Variants in PRKCB observed in about 807,000 individuals in gnomAD.
PRKCB encodes the protein protein kinase C beta, also known as protein kinase C beta type.
A neutral mutation model predicts 81.5 loss-of-function variants in PRKCB; 13 were observed. The ratio of observed to expected loss-of-function variants is 0.16; its 90% confidence interval spans 0.10 to 0.25. The LOEUF is 0.25. Ranked by LOEUF, PRKCB falls within the 10% of genes least tolerant of loss-of-function variation. The pLI, the probability that PRKCB is intolerant of heterozygous loss-of-function variation, is 1.00. For synonymous variants in PRKCB, 335 were observed against 321.4 expected (o/e 1.04, Z -0.45); for missense variants, 509 against 875.7 (o/e 0.58, Z 5.29).
At chr16:23,889,809 T>G (rs916831217) in intron 2 of PRKCB, among the ~76,000 whole-genome samples, 1 of 152,238 alleles carries the variant, frequency 6.6e-6, no homozygotes, top group Non-Finnish European at 1.5e-5. Context: ...GGGTTATTAC[T>G]GCAGGATAAC....
At chr16:24,076,680 C>T (rs2141889017) in intron 5 of PRKCB, among the ~76,000 whole-genome samples, 1 of 152,306 alleles carries the variant, frequency 6.6e-6, no homozygotes, top group East Asian at 1.9e-4. Context: ...TACCTTGCTA[C>T]AAGTGTGCCT....
chr16:24,173,559 C>G (rs1274790330), intron 11 of PRKCB, among the ~76,000 whole-genome samples: 1 of 152,220 alleles, frequency 6.6e-6, no homozygotes, highest in Non-Finnish European at 1.5e-5. Flanking sequence ...TGGCATGACT[C>G]TAATAGGACT....
At chr16:23,981,771 C>T (rs1596496768) in intron 2 of PRKCB, among the ~76,000 whole-genome samples, 1 of 53,046 alleles carries the variant, frequency 1.9e-5, no homozygotes, top group Non-Finnish European at 3.6e-5. Context: ...CTTCCCCTTC[C>T]CTTCCCCTTC....
At chr16:23,885,131 G>T (rs534639190) in intron 2 of PRKCB, among the ~76,000 whole-genome samples, 1 of 152,154 alleles carries the variant, frequency 6.6e-6, no homozygotes, top group Non-Finnish European at 1.5e-5. Context: ...ATTAGAGCCT[G>T]CTATATGCCA....
chr16:24,096,652 C>CCAAAAAAAAAAAAA (rs1966442961), intron 7 of PRKCB, among the ~76,000 whole-genome samples: 1 of 41,826 alleles, frequency 2.4e-5, no homozygotes, highest in East Asian at 8.1e-4. Context: ...CTTCCTATGG[C>CCAAAAAAAAAAAAA]AAAAAAAAAA....
intron 8 of PRKCB, among the ~76,000 whole-genome samples, chr16:24,121,941 A>G (rs1966803005): frequency 6.6e-6 from 1 of 152,204 alleles, no homozygotes; most frequent in Non-Finnish European, 1.5e-5. Context: ...TCTCTGTGCC[A>G]TACTCCTCTA....
chr16:23,866,797 T>C (rs539258662), intron 2 of PRKCB, among the ~76,000 whole-genome samples: 1 of 152,322 alleles, frequency 6.6e-6, no homozygotes, highest in East Asian at 1.9e-4. Flanking sequence ...CCACCAGCAG[T>C]GTGTGTTTCC....
At chr16:23,908,621 TC>T (rs1245765544) in intron 2 of PRKCB, among the ~76,000 whole-genome samples, 2 of 151,984 alleles carry the variant, frequency 1.3e-5, no homozygotes, top group Non-Finnish European at 2.9e-5. Context: ...AAGCTCCGCC[TC>T]CCGGGTTCAT....
intron 3 of PRKCB, among the ~76,000 whole-genome samples, chr16:23,989,568 A>T (rs1188868194): frequency 4.6e-5 from 7 of 152,224 alleles, no homozygotes; most frequent in Admixed American, 2.6e-4. Flanking sequence ...AAATGTATCT[A>T]GTAGTGGTTT....
At chr16:24,173,418 T>C (rs1967476039) in intron 11 of PRKCB, among the ~76,000 whole-genome samples, 2 of 152,168 alleles carry the variant, frequency 1.3e-5, no homozygotes, top group Admixed American at 1.3e-4. Flanking sequence ...CACCTTGTCA[T>C]ACTAGAGGCT....
rs906547260 is a variant in PRKCB, at chr16:24,219,876, G to A, written c.*5060G>A. On this transcript the variant is annotated 3_prime_UTR_variant, in exon 17 of 17. Transcript: ENST00000643927. ...TCTTTCTGACTCTGCTCATGAGATG[G>A]TATCAGCCACCCAATGACTGGCGTA... is the stretch of plus-strand genomic sequence containing the variant. 4.6e-6 allele frequency: 7 copies of A among 1,521,334 alleles called. No homozygotes were observed. In the African/African-American group the frequency reaches 8.3e-5, roughly 18 times the overall value. The allele number at this position is 1,521,334 out of a possible 1,614,324, so 94.2% of individuals were successfully genotyped here. A position where few individuals can be genotyped will look rare whatever the true frequency, so the allele number is the denominator to read the frequency against.
At chr16:24,071,889 T>C (rs562292476) in intron 5 of PRKCB, among the ~76,000 whole-genome samples, 2 of 152,202 alleles carry the variant, frequency 1.3e-5, no homozygotes, top group Admixed American at 1.3e-4. Context: ...ATGATCACAG[T>C]GGACACATTC....
intron 2 of PRKCB, among the ~76,000 whole-genome samples, chr16:23,850,247 A>G (rs1447950869): frequency 2.0e-5 from 3 of 152,090 alleles, no homozygotes; most frequent in Non-Finnish European, 4.4e-5. Context: ...TTGATTCCCT[A>G]TCTTTGCTAT....
At chr16:24,141,060 A>T (rs565899236) in intron 9 of PRKCB, among the ~76,000 whole-genome samples, 1 of 152,338 alleles carries the variant, frequency 6.6e-6, no homozygotes, top group Admixed American at 6.5e-5. Flanking sequence ...ATTCTTTGCT[A>T]TATGTTAAGC....
chr16:24,123,522 G>T (rs778070682), intron 8 of PRKCB, among the ~76,000 whole-genome samples: 4 of 152,180 alleles, frequency 2.6e-5, no homozygotes, highest in Non-Finnish European at 4.4e-5. Context: ...GGAAATCACT[G>T]TGCCTTGTGC....
At chr16:23,927,345 G>T (rs1963911250) in intron 2 of PRKCB, among the ~76,000 whole-genome samples, 2 of 151,996 alleles carry the variant, frequency 1.3e-5, no homozygotes, top group African/African-American at 4.8e-5. Flanking sequence ...GGAATGAAGG[G>T]CATGTTTGTG....
intron 9 of PRKCB, among the ~76,000 whole-genome samples, chr16:24,130,241 G>A (rs1367004294): frequency 1.3e-5 from 2 of 152,154 alleles, no homozygotes; most frequent in South Asian, 2.1e-4. Flanking sequence ...TTAAAATGCA[G>A]TGGAGGTATA....
chr16:24,042,358 A>C (rs1965709457), intron 5 of PRKCB, among the ~76,000 whole-genome samples: 1 of 144,240 alleles, frequency 6.9e-6, no homozygotes, highest in South Asian at 2.4e-4. Context: ...GGTCCAGAGA[A>C]AGGTTACTTC....
Position 24,217,880 on chromosome 16 carries a change from A to T in PRKCB, c.*3064A>T. 1 of 985,372 alleles carries T rather than the reference A, an allele frequency of 1.0e-6. No individual in the cohort carries two copies. Among genetic ancestry groups the T allele is most frequent in the Non-Finnish European group, 1.2e-6 (1 of 829,922 alleles). 61.0% of individuals were successfully genotyped at this position (985,372 alleles called of 1,614,324 possible). A position where few individuals can be genotyped will look rare whatever the true frequency, so the allele number is the denominator to read the frequency against. On this transcript the variant is annotated 3_prime_UTR_variant, in exon 17 of 17. Transcript: ENST00000643927. ...GGCCCTAACACAGTTCAGTTCATAC[A>T]GGGGTTCAAAAGGGACAGTGGCCCA...
Sources: gnomAD v4.1 joint callset for allele counts (sites outside exome capture counted in the v4.1 genomes callset) on GRCh38, gnomAD v4.1.1 for gene constraint, MANE v1.5 for transcripts, NCBI Gene and HGNC (gene_info 2026-07-23, HGNC 2026-07-21) for gene names.